Variants in SLC30A5 observed in about 807,000 individuals in gnomAD.
The protein encoded by SLC30A5 is solute carrier family 30 member 5.
In SLC30A5, 33 loss-of-function variants were observed where a neutral mutation model predicts 79.6. The ratio of observed to expected loss-of-function variants is 0.41; its 90% CI spans 0.31 to 0.55. The LOEUF (loss-of-function observed/expected upper bound fraction) is 0.55. SLC30A5 is among the 20% of genes least tolerant of loss of function. The probability of loss-of-function intolerance (pLI) is 0.20; values close to 1 mark genes in which losing one functional copy is unlikely to be tolerated. For synonymous variants in SLC30A5, 299 were observed against 319.7 expected (o/e 0.94, Z 0.69); for missense variants, 788 against 928.1 (o/e 0.85, Z 1.96).
intron 3 of SLC30A5, chr5:69,104,140 T>C (rs749024861): frequency 2.9e-4 from 388 of 1,349,212 alleles, no homozygotes; most frequent in Middle Eastern, 6.5e-4. Context: ...TCCTTTTTTT[T>C]TTTCTTTCTT....
chr5:69,106,654 A>T (rs545069147), intron 4 of SLC30A5, among the ~76,000 whole-genome samples: 1 of 152,250 alleles, frequency 6.6e-6, no homozygotes, highest in African/African-American at 2.4e-5. Context: ...ACAAAAAATT[A>T]GCCAGGCATG....
intron 6 of SLC30A5, among the ~76,000 whole-genome samples, chr5:69,113,976 T>C (rs16898515): frequency 0.032 from 4,916 of 152,276 alleles, 257 homozygotes; most frequent in African/African-American, 0.11. Context: ...CTAAGACTTA[T>C]GTGGTCAGTG....
At chr5:69,106,322 A>G (rs1746078165) in intron 4 of SLC30A5, among the ~76,000 whole-genome samples, 1 of 152,128 alleles carries the variant, frequency 6.6e-6, no homozygotes, top group African/African-American at 2.4e-5. Context: ...GAGTGCTGCT[A>G]TTGCTTATCA....
chr5:69,103,943 CT>C, intron 3 of SLC30A5: 1 of 1,516,846 alleles, frequency 6.6e-7, no homozygotes, highest in Non-Finnish European at 8.9e-7. Context: ...CCCATTTTAA[CT>C]TTTTTCTCTC....
intron 3 of SLC30A5, 170 bp from the exon 4 acceptor site, chr5:69,104,461 T>C: frequency 7.3e-7 from 1 of 1,369,104 alleles, no homozygotes; most frequent in Admixed American, 3.6e-5. Flanking sequence ...AATACTGTCT[T>C]GGAAATCTAG....
intron 14 of SLC30A5, among the ~76,000 whole-genome samples, chr5:69,127,473 CAAAA>C (rs70989993): frequency 7.7e-5 from 6 of 77,884 alleles, no homozygotes; most frequent in African/African-American, 2.3e-4. Flanking sequence ...TACTAAAATA[CAAAA>C]AAAAAAAAAA....
chr5:69,128,250 CTTTTTT>C (rs71612509), intron 15 of SLC30A5, 118 bp downstream of exon 15: 70 of 286,862 alleles, frequency 2.4e-4, no homozygotes, highest in South Asian at 3.6e-4. Context: ...TCTTCCAACT[CTTTTTT>C]TTTTTTTTTT....
chr5:69,116,734 T>C lies in SLC30A5; in HGVS notation c.1281+132T>C, dbSNP rs1746383622. On this transcript the variant is annotated intron_variant, in intron 10 of 15. Transcript: ENST00000396591. This position sits in a 1 kb window ranked among gnomAD's most constrained non-coding sequence, Gnocchi z 4.0. ...CTAAAATTTAAATTTTTTCTAAGTA[T>C]AATAGCAAGATTACGAGATCATATT... The C allele has an allele frequency of 1.7e-6, 1 of 586,294 alleles. No homozygotes were observed. 36.3% of individuals were successfully genotyped at this position (586,294 alleles called of 1,614,324 possible). A position where few individuals can be genotyped will look rare whatever the true frequency, so the allele number is the denominator to read the frequency against.
intron 5 of SLC30A5, among the ~76,000 whole-genome samples, chr5:69,111,461 C>T (rs991031636): frequency 2.0e-5 from 3 of 151,570 alleles, no homozygotes; most frequent in Admixed American, 2.0e-4. Context: ...CCTGCCACTG[C>T]GCCTGGCCTA....
intron 2 of SLC30A5, 21 bp downstream of exon 2, chr5:69,100,950 T>C (rs1305661724): frequency 6.6e-7 from 1 of 1,517,110 alleles, no homozygotes. Context: ...GGGGGGGTTT[T>C]TTCTTGATAT....
At chr5:69,125,793 C>T (rs1384164250) in intron 14 of SLC30A5, among the ~76,000 whole-genome samples, 1 of 143,838 alleles carries the variant, frequency 7.0e-6, no homozygotes, top group Non-Finnish European at 1.5e-5. Context: ...GAGCCATGAA[C>T]CTGGGAGGCG....
At chr5:69,104,128 T>C (rs1580169307) in intron 3 of SLC30A5, 1 of 1,394,464 alleles carries the variant, frequency 7.2e-7, no homozygotes, top group East Asian at 2.7e-5. Flanking sequence ...AACAGAATAC[T>C]GTCCTTTTTT....
intron 1 of SLC30A5, among the ~76,000 whole-genome samples, chr5:69,095,558 C>T (rs1284331456): frequency 6.6e-6 from 1 of 152,132 alleles, no homozygotes; most frequent in Non-Finnish European, 1.5e-5. Flanking sequence ...CTTAAACCAA[C>T]TGCATTTTTG....
rs778861602 is a variant in SLC30A5 at position 69,131,015 on chromosome 5, A to C, written c.*1398A>C. The C allele has an allele frequency of 6.6e-6, 1 of 152,102 alleles. No homozygotes were observed. The highest frequency in any genetic ancestry group is 1.5e-5 in the Non-Finnish European group (1 of 68,020). 9.4% of individuals were successfully genotyped at this position (152,102 alleles called of 1,614,324 possible). ...TATTTTTATATTCCTTGTCTTTTGC[A>C]TATTTTTTGGCCAAAATCTTCAATA... On this transcript the variant is annotated 3_prime_UTR_variant, in exon 16 of 16. Coordinates refer to ENST00000396591, the MANE Select transcript of SLC30A5 (RefSeq NM_022902.5).
intron 13 of SLC30A5, 57 bp from the exon 14 acceptor site, chr5:69,123,141 TA>T: frequency 7.9e-7 from 1 of 1,264,720 alleles, no homozygotes. Context: ...TAGAATGTAT[TA>T]AAAAACTAAA....
At chr5:69,106,920 T>C (rs999410589) in intron 4 of SLC30A5, among the ~76,000 whole-genome samples, 4 of 151,952 alleles carry the variant, frequency 2.6e-5, no homozygotes, top group Non-Finnish European at 4.4e-5. Flanking sequence ...GACTAGAGTA[T>C]ATGGCACAGT....
At chr5:69,100,157 G>A (rs925772997) in intron 1 of SLC30A5, among the ~76,000 whole-genome samples, 7 of 152,150 alleles carry the variant, frequency 4.6e-5, no homozygotes, top group African/African-American at 1.7e-4. Context: ...TAGTAGAGGT[G>A]AGTTTTCGCC....
chr5:69,095,274 C>T lies in SLC30A5; in HGVS notation c.83+936C>T, dbSNP rs374688482. 1.1e-3 allele frequency among the ~76,000 whole-genome samples: 160 copies of T among 139,506 alleles called. 2 individuals are homozygous for T. In the South Asian group the frequency reaches 0.035, roughly 30 times the overall value. The allele number at this position is 139,506 out of a possible 152,430, so 91.5% of individuals were successfully genotyped here. A position where few individuals can be genotyped will look rare whatever the true frequency, so the allele number is the denominator to read the frequency against. On this transcript the variant is annotated intron_variant, in intron 1 of 15. Transcript: ENST00000396591. ...GGAGTGCAATGGCGCGATCTCGGCTCACGACAACCTCCGCTTCCCGGGTTC... is the reference window on the plus strand; with the variant it reads ...GGAGTGCAATGGCGCGATCTCGGCTTACGACAACCTCCGCTTCCCGGGTTC...
chr5:69,098,416 C>A (rs1289741880), intron 1 of SLC30A5, among the ~76,000 whole-genome samples: 1 of 152,030 alleles, frequency 6.6e-6, no homozygotes, highest in African/African-American at 2.4e-5. Context: ...ATCCCAGCTA[C>A]TCAGGAGGCT....
Sources: allele counts gnomAD v4.1 joint callset (sites outside exome capture counted in the v4.1 genomes callset), GRCh38; gene constraint gnomAD v4.1.1; non-coding constraint Gnocchi (gnomAD v3.1); transcripts MANE v1.5; gene names NCBI Gene and HGNC (gene_info 2026-07-23, HGNC 2026-07-21).